Variants in CDH13 observed in about 807,000 individuals in gnomAD.
The protein encoded by CDH13 is cadherin-13.
In CDH13, 24 loss-of-function variants were observed where a neutral mutation model predicts 63.8. That is an observed-to-expected ratio of 0.38 (90% CI 0.27 to 0.53). The LOEUF (loss-of-function observed/expected upper bound fraction) is 0.53. Ranked by LOEUF, CDH13 falls within the 20% of genes least tolerant of loss-of-function variation. The pLI, the probability that CDH13 is intolerant of heterozygous loss-of-function variation, is 0.85. For synonymous variants in CDH13, 503 were observed against 355.3 expected, an observed-to-expected ratio of 1.42 and a Z score of -4.67; for missense variants, 1,049 against 903.1, an observed-to-expected ratio of 1.16 and a Z score of -2.07.
At chr16:82,864,040 C>T (rs546832106) in intron 2 of CDH13, among the ~76,000 whole-genome samples, 2 of 152,316 alleles carry the variant, frequency 1.3e-5, no homozygotes, top group South Asian at 4.1e-4. Flanking sequence ...AGACTAGTTA[C>T]AGAAGAAAAG....
At chr16:83,226,571 T>C (rs1305295452) in intron 5 of CDH13, among the ~76,000 whole-genome samples, 5 of 152,204 alleles carry the variant, frequency 3.3e-5, no homozygotes, top group Non-Finnish European at 5.9e-5. Context: ...TACCCTTTTT[T>C]TTCTGTTTTA....
In CDH13 at chr16:83,477,360, C is replaced by G. The variant is rs563235965; in HGVS notation, c.782-9117C>G. ...AGGAGAAGCGAAGCCTGTTGCATTT[C>G]AATTCAAGCCTGTGGTAATTTCAGC... is the stretch of plus-strand genomic sequence containing the variant. On this transcript the variant is annotated intron_variant, in intron 6 of 13. Transcript: ENST00000567109. 2.0e-5 allele frequency among the ~76,000 whole-genome samples: 3 copies of G among 152,306 alleles called. No homozygotes were observed. The East Asian group carries it at 5.8e-4, about 29-fold the overall frequency.
chr16:83,130,901 A>G (rs1340961569), intron 4 of CDH13, among the ~76,000 whole-genome samples: 1 of 152,204 alleles, frequency 6.6e-6, no homozygotes, highest in Non-Finnish European at 1.5e-5. Context: ...TGCTGTGGCA[A>G]GTTAGCCCTT....
intron 8 of CDH13, among the ~76,000 whole-genome samples, chr16:83,619,046 C>A (rs760143710): frequency 5.3e-5 from 8 of 152,332 alleles, no homozygotes; most frequent in Non-Finnish European, 1.0e-4. Context: ...TTATGAGAAG[C>A]GTCACCTTCA....
intron 3 of CDH13, among the ~76,000 whole-genome samples, chr16:83,079,825 G>T (rs2033113185): frequency 6.6e-6 from 1 of 152,100 alleles, no homozygotes; most frequent in Non-Finnish European, 1.5e-5. Context: ...CCATGGTGTT[G>T]GAAAATAATA....
intron 1 of CDH13, among the ~76,000 whole-genome samples, chr16:82,697,399 A>T (rs1230874534): frequency 1.4e-5 from 2 of 144,432 alleles, no homozygotes; most frequent in Admixed American, 1.4e-4. Flanking sequence ...ATCACCTTTA[A>T]GGGGGCCAAG....
At chr16:83,172,811 C>G (rs7193746) in intron 4 of CDH13, among the ~76,000 whole-genome samples, 12,512 of 152,068 alleles carry the variant, frequency 0.082, 630 homozygotes, top group Middle Eastern at 0.15. Context: ...ACAAAGAAGG[C>G]TAAATAGCTT....
rs4577073 is a variant in CDH13, at chr16:83,207,148, A to T, written c.484-10197A>T. Among the ~76,000 whole-genome samples, 120 of 152,234 alleles carry T rather than the reference A, an allele frequency of 7.9e-4. 1 individual carries two copies. The highest frequency in any genetic ancestry group is 2.8e-3 in the African/African-American group (118 of 41,506). ...AATGTACATGGCAGTGGCATTAAGT[A>T]CATCCACATTATTGTGCAACCATCA... On this transcript the variant is annotated intron_variant, in intron 4 of 13. Transcript: ENST00000567109.
At chr16:83,066,078 G>A (rs185967026) in intron 3 of CDH13, among the ~76,000 whole-genome samples, 18 of 152,308 alleles carry the variant, frequency 1.2e-4, no homozygotes, top group Admixed American at 5.9e-4. Context: ...GGATTATATT[G>A]TGATTTGAAA....
At chr16:83,587,748 C>T (rs1170577869) in intron 7 of CDH13, among the ~76,000 whole-genome samples, 1 of 151,976 alleles carries the variant, frequency 6.6e-6, no homozygotes, top group Non-Finnish European at 1.5e-5. Flanking sequence ...CTTTTATTAC[C>T]CATACAGAGA....
chr16:83,076,635 TCACACACACA>T (rs150845731), intron 3 of CDH13, among the ~76,000 whole-genome samples: 3 of 149,962 alleles, frequency 2.0e-5, no homozygotes, highest in Admixed American at 2.0e-4. Context: ...AATATACACA[TCACACACACA>T]CACACACAGT....
intron 1 of CDH13, among the ~76,000 whole-genome samples, chr16:82,723,523 C>A (rs978159869): frequency 6.6e-6 from 1 of 152,112 alleles, no homozygotes; most frequent in Non-Finnish European, 1.5e-5. Context: ...GTTCTCCATG[C>A]AAATTTGCCC....
At chr16:83,285,733 T>C (rs1406586957) in intron 5 of CDH13, among the ~76,000 whole-genome samples, 3 of 152,130 alleles carry the variant, frequency 2.0e-5, no homozygotes, top group Non-Finnish European at 2.9e-5. Context: ...GGGGGAGGGA[T>C]GTTGAAACCA....
chr16:83,503,306 T>G (rs2074326266), intron 7 of CDH13, among the ~76,000 whole-genome samples: 1 of 152,222 alleles, frequency 6.6e-6, no homozygotes, highest in Admixed American at 6.5e-5. Flanking sequence ...CCTATGAAGC[T>G]GATTAGGAAA....
chr16:83,006,459 A>G (rs944481900), intron 2 of CDH13, among the ~76,000 whole-genome samples: 19 of 152,186 alleles, frequency 1.2e-4, no homozygotes, highest in African/African-American at 4.6e-4. Flanking sequence ...TTTCAGGGAC[A>G]AATCAAAGGC....
At chr16:83,107,631 T>C (rs1043858838) in intron 3 of CDH13, among the ~76,000 whole-genome samples, 2 of 152,104 alleles carry the variant, frequency 1.3e-5, no homozygotes, top group Non-Finnish European at 2.9e-5. Context: ...ATTCACAGTA[T>C]GAGAGGCTGA....
At chr16:83,483,144 CCAGATACGTCACCT>C (rs1477638367) in intron 6 of CDH13, among the ~76,000 whole-genome samples, 1 of 152,148 alleles carries the variant, frequency 6.6e-6, no homozygotes, top group African/African-American at 2.4e-5. Context: ...AGACTTGAAC[CCAGATACGTCACCT>C]CAGAGTCGTT....
intron 1 of CDH13, among the ~76,000 whole-genome samples, chr16:82,693,162 G>C (rs140065056): frequency 4.6e-5 from 7 of 152,274 alleles, no homozygotes; most frequent in African/African-American, 1.4e-4. Flanking sequence ...CATGGACTTT[G>C]AGATGAGACC....
chr16:83,525,764 A>G (rs191752204), intron 7 of CDH13, among the ~76,000 whole-genome samples: 3 of 152,224 alleles, frequency 2.0e-5, no homozygotes, highest in African/African-American at 4.8e-5. Flanking sequence ...CTCTAATCCA[A>G]TGAGTCCTTA....
Sources: allele counts gnomAD v4.1 joint callset (sites outside exome capture counted in the v4.1 genomes callset), GRCh38; gene constraint gnomAD v4.1.1; transcripts MANE v1.5; gene names NCBI Gene and HGNC (gene_info 2026-07-23, HGNC 2026-07-21).